The following RFX7 variants were observed in gnomAD, a reference collection of about 807,000 sequenced individuals.
The protein encoded by RFX7 is DNA-binding protein RFX7.
A neutral mutation model predicts 111.8 loss-of-function variants in RFX7; 26 were observed. The ratio of observed to expected loss-of-function variants is 0.23; its 90% CI spans 0.17 to 0.32. RFX7 has a LOEUF of 0.32. Among genes scored for constraint, RFX7 ranks in the 10% least tolerant of loss-of-function variants. RFX7 has a pLI of 1.00. For missense variants in RFX7, 1,573 were observed against 1,772.9 expected, an observed-to-expected ratio of 0.89 and a Z score of 2.02; for synonymous variants, 624 against 624.4, an observed-to-expected ratio of 1.00 and a Z score of 0.01.
chr15:56,101,946 G>A (rs1329944394), intron 7 of RFX7, among the ~76,000 whole-genome samples: 1 of 152,016 alleles, frequency 6.6e-6, no homozygotes, highest in Non-Finnish European at 1.5e-5. Context: ...ATGTATTTTG[G>A]AAATATCGAG....
At chr15:56,217,918 G>A (rs1353462416) in intron 2 of RFX7, among the ~76,000 whole-genome samples, 1 of 151,840 alleles carries the variant, frequency 6.6e-6, no homozygotes, top group Non-Finnish European at 1.5e-5. Context: ...AAAACCCAGC[G>A]AGCATTATGT....
At chr15:56,190,279 G>GAGTGC (rs1195989300) in intron 2 of RFX7, among the ~76,000 whole-genome samples, 12 of 152,160 alleles carry the variant, frequency 7.9e-5, no homozygotes, top group Non-Finnish European at 1.8e-4. Flanking sequence ...CCACTGCTGG[G>GAGTGC]AGTGCAGTGC....
chr15:56,169,697 GTTCTTT>G (rs1400411419), intron 3 of RFX7, among the ~76,000 whole-genome samples: 1 of 115,624 alleles, frequency 8.6e-6, no homozygotes, highest in Non-Finnish European at 1.7e-5. Context: ...ATGCTAGTCA[GTTCTTT>G]TTTTTTTTTT....
chr15:56,227,261 T>C (rs2043495301), intron 2 of RFX7, among the ~76,000 whole-genome samples: 1 of 152,200 alleles, frequency 6.6e-6, no homozygotes, highest in African/African-American at 2.4e-5. Context: ...TTGGTTACTG[T>C]AAAGGATAAA....
chr15:56,128,763 G>C (rs2140986428), intron 5 of RFX7, among the ~76,000 whole-genome samples: 1 of 151,918 alleles, frequency 6.6e-6, no homozygotes, highest in African/African-American at 2.4e-5. Context: ...GAAAGGAAGA[G>C]GTAAAATTAT....
rs1362706681 is a variant in RFX7 at position 56,219,161 on chromosome 15, T to TC, written c.161+23963dup. 6.8e-4 allele frequency among the ~76,000 whole-genome samples: 103 copies of TC among 152,312 alleles called. 1 individual carries two copies. The highest frequency in any genetic ancestry group is 2.3e-3 in the African/African-American group (97 of 41,576). The stretch of plus-strand genomic sequence containing the variant: ...GTTCTTACTTCATATACATTGACAC[T>TC]CCAATATTAGATATAAATAAATATT... On this transcript the variant is annotated intron_variant, in intron 2 of 9. Coordinates refer to ENST00000559447, the MANE Select transcript of RFX7 (RefSeq NM_022841.7).
At chr15:56,163,632 A>G (rs1248664698) in intron 3 of RFX7, among the ~76,000 whole-genome samples, 1 of 152,190 alleles carries the variant, frequency 6.6e-6, no homozygotes, top group Non-Finnish European at 1.5e-5. Flanking sequence ...TTAAACCACA[A>G]TTTAAAATAG....
rs532984922 is a variant in RFX7 at position 56,104,365 on chromosome 15, A to G, written c.402-695T>C. Among the ~76,000 whole-genome samples, 53 of 152,260 alleles carry G rather than the reference A, an allele frequency of 3.5e-4. No homozygotes were observed. The Middle Eastern group carries it at 0.014, about 39-fold the overall frequency. On this transcript the variant is annotated intron_variant, in intron 5 of 9. Transcript: ENST00000559447. ...GCTGCCAGTCATAGGTAAAATGTCA[A>G]TCCTCTACCAGTTCAGCAGCAGACC... is the stretch of plus-strand genomic sequence containing the variant.
rs1009306440 is a variant in RFX7 at position 56,148,829 on chromosome 15, C to T, written c.196-4346G>A. Among the ~76,000 whole-genome samples, 15 of 152,218 alleles carry T rather than the reference C, an allele frequency of 9.9e-5. 1 individual carries two copies. The highest frequency in any genetic ancestry group is 3.4e-4 in the African/African-American group (14 of 41,556). ...GGGGGCAGTGGCTCAAGCCTGTAAT[C>T]CCAGAACTTTGGGAGGCTGAGGTGG... is the stretch of plus-strand genomic sequence containing the variant. On this transcript the variant is annotated intron_variant, in intron 3 of 9. Transcript: ENST00000559447.
intron 5 of RFX7, among the ~76,000 whole-genome samples, chr15:56,140,615 T>G (rs1322824625): frequency 6.6e-6 from 1 of 152,230 alleles, no homozygotes; most frequent in Non-Finnish European, 1.5e-5. Flanking sequence ...TTCGGCCATC[T>G]TGGCTCCTTC....
At chr15:56,131,271 CTTTTTTTTTTTTT>C (rs140251962) in intron 5 of RFX7, among the ~76,000 whole-genome samples, 17 of 74,048 alleles carry the variant, frequency 2.3e-4, no homozygotes, top group Non-Finnish European at 2.5e-4. Flanking sequence ...TATTAGGTAT[CTTTTTTTTTTTTT>C]TTTTTTTTTT....
intron 3 of RFX7, among the ~76,000 whole-genome samples, chr15:56,165,000 G>T (rs1410523789): frequency 1.3e-5 from 2 of 152,148 alleles, no homozygotes; most frequent in Admixed American, 6.5e-5. Context: ...ATGGGGTGGG[G>T]ATTATGGGGA....
chr15:56,146,335 G>A (rs1163738650), intron 3 of RFX7, among the ~76,000 whole-genome samples: 1 of 152,038 alleles, frequency 6.6e-6, no homozygotes, highest in Non-Finnish European at 1.5e-5. Flanking sequence ...TTCCTGCCTG[G>A]CCTCAAGTGA....
At chr15:56,164,581 CCA>C (rs777405846) in intron 3 of RFX7, among the ~76,000 whole-genome samples, 1 of 152,180 alleles carries the variant, frequency 6.6e-6, no homozygotes. Context: ...TACTGAAATT[CCA>C]CACAGATAAC....
intron 2 of RFX7, among the ~76,000 whole-genome samples, chr15:56,180,091 C>A (rs2042952687): frequency 6.6e-6 from 1 of 152,176 alleles, no homozygotes; most frequent in East Asian, 1.9e-4. Context: ...ACAGTTTACA[C>A]ACAATCTTTA....
At chr15:56,208,305 A>C (rs1344467242) in intron 2 of RFX7, among the ~76,000 whole-genome samples, 1 of 152,154 alleles carries the variant, frequency 6.6e-6, no homozygotes, top group Non-Finnish European at 1.5e-5. Flanking sequence ...ACTCCAGACC[A>C]GTCTAGCCAT....
chr15:56,140,219 C>T (rs1395135584), intron 5 of RFX7, among the ~76,000 whole-genome samples: 2 of 152,320 alleles, frequency 1.3e-5, no homozygotes, highest in Admixed American at 6.5e-5. Context: ...CCCAGCCTCG[C>T]TGTCGCCTTG....
chr15:56,127,782 G>A (rs879544903), intron 5 of RFX7, among the ~76,000 whole-genome samples: 8 of 151,692 alleles, frequency 5.3e-5, no homozygotes, highest in Admixed American at 2.6e-4. Context: ...TCCTGACCTC[G>A]TGATCTGCCC....
Position 56,162,091 on chromosome 15 carries a change from G to T in RFX7, c.195+17179C>A, listed in dbSNP as rs563964124. ...GTGGTGGTATCAGCAAGAAGGATAA[G>T]GTTTAGATCTTTCTAGTCACTGTGT... On this transcript the variant is annotated intron_variant, in intron 3 of 9. Transcript: ENST00000559447. Among the ~76,000 whole-genome samples, 7 of 152,128 alleles carry T rather than the reference G, an allele frequency of 4.6e-5. No individual in the cohort carries two copies. The South Asian group carries it at 1.5e-3, about 32-fold the overall frequency.
Sources: allele counts gnomAD v4.1 joint callset (sites outside exome capture counted in the v4.1 genomes callset), GRCh38; gene constraint gnomAD v4.1.1; transcripts MANE v1.5; gene names NCBI Gene and HGNC (gene_info 2026-07-23, HGNC 2026-07-21).